The following ASB14 variants were observed in gnomAD, a reference collection of about 807,000 sequenced individuals.
ASB14 encodes the protein ankyrin repeat and SOCS box protein 14.
ASB14 carries 63 observed loss-of-function variants against 55.6 expected under a neutral mutation model. That is an observed-to-expected ratio of 1.13 (90% CI 0.92 to 1.40). ASB14 has a LOEUF of 1.40. Among genes scored for constraint, ASB14 ranks in the 40% most tolerant of loss-of-function variants. The probability of loss-of-function intolerance (pLI) is 0.00; values close to 1 mark genes in which losing one functional copy is unlikely to be tolerated. For missense variants in ASB14, 724 were observed against 710.4 expected, an observed-to-expected ratio of 1.02 and a Z score of -0.22; for synonymous variants, 256 against 259.9, an observed-to-expected ratio of 0.98 and a Z score of 0.15.
In ASB14 at chr3:57,283,420, A is replaced by G; in HGVS notation, c.489T>C (p.Tyr163=). 5.8e-6 allele frequency: 9 copies of G among 1,551,676 alleles called. No individual in the cohort carries two copies. Among genetic ancestry groups the G allele is most frequent in the Non-Finnish European group, 7.0e-6 (8 of 1,146,956 alleles). ...AGTTGATCAGCAAGGCAGCCATGTC[A>G]TAGCAGTCACGCAGCACAGCTGGGA... ...PLLAAVLRDC[Y]DMAALLINYG... The change falls in exon 6 of 11, where the codon TAT becomes TAC. Residue 163 remains tyrosine (Y), a synonymous_variant. Transcript: ENST00000487349.
At chr3:57,270,791 G>A (rs2060932350) in intron 10 of ASB14, 1 of 152,148 alleles carries the variant, frequency 6.6e-6, no homozygotes, top group Non-Finnish European at 1.5e-5. Context: ...TTGTAAATAT[G>A]TCTACTCTTC....
chr3:57,284,607 G>A (rs1472582815), intron 5 of ASB14, among the ~76,000 whole-genome samples: 1 of 152,206 alleles, frequency 6.6e-6, no homozygotes, highest in Non-Finnish European at 1.5e-5. Flanking sequence ...TACCAGATAG[G>A]CTGAAGTGAA....
rs1164150264 is a variant in ASB14 at position 57,289,060 on chromosome 3, G to A, written c.178+8C>T. On this transcript the variant is annotated splice_region_variant and intron_variant, in intron 3 of 10. Transcript: ENST00000487349. ...TTACCACAAGTTAAAGGGGATAGGA[G>A]TACTTAACTTTCTCTATTGTTTCAA... 13 of 1,507,374 alleles carry A rather than the reference G, an allele frequency of 8.6e-6. No homozygotes were observed. The highest frequency in any genetic ancestry group is 1.1e-5 in the Non-Finnish European group (12 of 1,120,130). The allele number at this position is 1,507,374 out of a possible 1,614,324, so 93.4% of individuals were successfully genotyped here. A position where few individuals can be genotyped will look rare whatever the true frequency, so the allele number is the denominator to read the frequency against.
intron 10 of ASB14, 35 bp downstream of exon 10, chr3:57,276,493 G>A (rs2060987796): frequency 1.4e-6 from 2 of 1,464,418 alleles, no homozygotes; most frequent in African/African-American, 1.4e-5. Context: ...TCATACATAA[G>A]TGAAATTTTA....
chr3:57,285,701 C>A (rs1428116360), intron 5 of ASB14, among the ~76,000 whole-genome samples: 3 of 152,068 alleles, frequency 2.0e-5, no homozygotes, highest in Non-Finnish European at 4.4e-5. Flanking sequence ...AATTCCACCC[C>A]AAACTCTCTA....
At chr3:57,281,101 T>G (rs1482033398) in intron 6 of ASB14, among the ~76,000 whole-genome samples, 1 of 152,216 alleles carries the variant, frequency 6.6e-6, no homozygotes, top group African/African-American at 2.4e-5. Context: ...ACAAGTTGCA[T>G]TATACTTACA....
intron 6 of ASB14, 129 bp from the exon 7 acceptor site, chr3:57,280,602 C>T (rs773221546): frequency 5.7e-5 from 40 of 706,202 alleles, no homozygotes; most frequent in Non-Finnish European, 8.5e-5. Flanking sequence ...CACCAAGAAT[C>T]AAAGTAACAG....
rs775281559 is a variant in ASB14, at chr3:57,278,463, GCT to G, written c.1343_1344del (p.Glu448AlafsTer4). ...RMLLNYGYDT[E>X]RCFDCPHGDK... ...TCTCCATGTGGGCAATCAAAACATCGCTCTGTGTCATACCCATAGTTCAGCAG... is the reference window on the plus strand; with the variant it reads ...TCTCCATGTGGGCAATCAAAACATCGCTGTGTCATACCCATAGTTCAGCAG... On this transcript the variant is annotated frameshift_variant, in exon 8 of 11. Transcript: ENST00000487349. LOFTEE classifies it high-confidence loss of function. The G allele has an allele frequency of 6.2e-6, 10 of 1,614,150 alleles. No individual in the cohort carries two copies. The Admixed American group carries it at 1.3e-4, about 22-fold the overall frequency.
intron 6 of ASB14, 101 bp downstream of exon 6, chr3:57,283,093 C>T (rs1559522713): frequency 1.4e-6 from 2 of 1,405,872 alleles, no homozygotes; most frequent in Non-Finnish European, 1.9e-6. Flanking sequence ...TTATATTAGG[C>T]TTAAATGTTA....
chr3:57,291,091 GT>G (rs1465437962), intron 2 of ASB14, among the ~76,000 whole-genome samples: 14 of 152,192 alleles, frequency 9.2e-5, no homozygotes, highest in Non-Finnish European at 1.8e-4. Flanking sequence ...GAATTTAAAA[GT>G]TAGTATTTAT....
intron 6 of ASB14, among the ~76,000 whole-genome samples, chr3:57,282,536 G>A (rs1372449716): frequency 6.6e-6 from 1 of 152,154 alleles, no homozygotes; most frequent in East Asian, 1.9e-4. Context: ...TACAGAGCTG[G>A]GGATAGGGGA....
Position 57,269,558 on chromosome 3 carries a change from T to C in ASB14, c.*83A>G. 2 of 1,613,880 alleles carry C rather than the reference T, an allele frequency of 1.2e-6. No individual in the cohort carries two copies. Among genetic ancestry groups the C allele is most frequent in the South Asian group, 1.1e-5 (1 of 90,990 alleles). On this transcript the variant is annotated 3_prime_UTR_variant, in exon 11 of 11. Transcript: ENST00000487349. ...TCCACTAGGACTTGGAAGAACAAAG[T>C]CGGTTGATAGCTGCTTCCAGTAGAC...
In ASB14 at chr3:57,283,443, G is replaced by C; in HGVS notation, c.470-4C>G. 6.4e-7 allele frequency: 1 copy of C among 1,550,504 alleles called. No individual in the cohort carries two copies. The highest frequency in any genetic ancestry group is 8.7e-7 in the Non-Finnish European group (1 of 1,146,518). On this transcript the variant is annotated splice_region_variant and splice_polypyrimidine_tract_variant and intron_variant, in intron 5 of 10. Transcript: ENST00000487349. ...TCATAGCAGTCACGCAGCACAGCTG[G>C]GAAATGAGAAGTGTGGTGGGCATGT...
Position 57,278,758 on chromosome 3 carries a change from TTTG to T in ASB14, c.1047_1049del (p.Asn349del). 6.2e-7 allele frequency: 1 copy of T among 1,613,556 alleles called. No homozygotes were observed. The highest frequency in any genetic ancestry group is 1.1e-5 in the South Asian group (1 of 90,986). On this transcript the variant is annotated inframe_deletion, in exon 8 of 11. Coordinates refer to ENST00000487349, the MANE Select transcript of ASB14 (RefSeq NM_001142733.3). ...CTGACTTCCTGTGGTCATCGTAGTG[TTTG>T]TTAATTCTCTGATCCAGCATGAAGT...
intron 7 of ASB14, among the ~76,000 whole-genome samples, chr3:57,279,825 G>A (rs752974101): frequency 3.3e-5 from 5 of 152,158 alleles, no homozygotes; most frequent in Non-Finnish European, 7.3e-5. Context: ...ACAAGGAAGT[G>A]TAAGGGAATT....
At position 57,269,494 on chromosome 3, in the gene ASB14, TTGAC is replaced by T; in HGVS notation, c.*143_*146del. 1 of 1,604,370 alleles carries T rather than the reference TTGAC, an allele frequency of 6.2e-7. No individual in the cohort carries two copies. The highest frequency in any genetic ancestry group is 1.1e-5 in the South Asian group (1 of 89,644). On this transcript the variant is annotated 3_prime_UTR_variant, in exon 11 of 11. Transcript: ENST00000487349. ...GTATCTTAACTGCATAATTTGCCAT[TTGAC>T]TGCAGACAAGTAACTTAGTTTCTTT...
rs1281139734 is a variant in ASB14, at chr3:57,287,915, G to T, written c.455C>A (p.Ser152Tyr). The T allele has an allele frequency of 6.5e-7, 1 of 1,537,122 alleles. No individual in the cohort carries two copies. Among genetic ancestry groups the T allele is most frequent in the African/African-American group, 1.4e-5 (1 of 73,054 alleles). ...NPNAKNFEGN[S>Y]PLLAAVLRDC... is the part of the protein sequence containing the mutation. ...TATTCATTTACCTGCAAGAAGAGGAGAATTGCCTTCGAAATTCTTAGCATT... is the reference window on the plus strand; with the variant it reads ...TATTCATTTACCTGCAAGAAGAGGATAATTGCCTTCGAAATTCTTAGCATT... Residue 152 changes from serine (S) to tyrosine (Y), a missense_variant, in exon 5 of 11, where the codon TCT becomes TAT. Coordinates refer to ENST00000487349, the MANE Select transcript of ASB14 (RefSeq NM_001142733.3).
chr3:57,269,976 A>G (rs946567537), intron 10 of ASB14: 1 of 218,320 alleles, frequency 4.6e-6, no homozygotes, highest in Non-Finnish European at 9.0e-6. Flanking sequence ...TTTTCCGTCA[A>G]ATTGTGAACT....
chr3:57,286,423 CTTTTTGTTACACA>C (rs1238779963), intron 5 of ASB14, among the ~76,000 whole-genome samples: 4 of 142,946 alleles, frequency 2.8e-5, no homozygotes, highest in Non-Finnish European at 6.4e-5. Flanking sequence ...TTTTAAAGAA[CTTTTTGTTACACA>C]AAATTCTCTA....
Sources: gnomAD v4.1 joint callset for allele counts (sites outside exome capture counted in the v4.1 genomes callset) on GRCh38, gnomAD v4.1.1 for gene constraint, MANE v1.5 for transcripts, NCBI Gene and HGNC (gene_info 2026-07-23, HGNC 2026-07-21) for gene names.